The following PHF3 variants were observed in gnomAD, a reference collection of about 807,000 sequenced individuals.
The protein encoded by PHF3 is PHD finger protein 3.
A neutral mutation model predicts 178.4 loss-of-function variants in PHF3; 41 were observed. The ratio of observed to expected loss-of-function variants is 0.23; its 90% CI spans 0.18 to 0.30. The LOEUF (loss-of-function observed/expected upper bound fraction) is 0.30. Ranked by LOEUF, PHF3 falls within the 10% of genes least tolerant of loss-of-function variation. The probability of loss-of-function intolerance (pLI) is 1.00; values close to 1 mark genes in which losing one functional copy is unlikely to be tolerated. For missense variants in PHF3, 2,346 were observed against 2,398.1 expected (o/e 0.98, Z 0.45); for synonymous variants, 842 against 800.5 (o/e 1.05, Z -0.88).
intron 11 of PHF3, among the ~76,000 whole-genome samples, chr6:63,705,540 T>C (rs1767654047): frequency 6.6e-6 from 1 of 152,198 alleles, no homozygotes; most frequent in Non-Finnish European, 1.5e-5. Context: ...TAACTATTAA[T>C]GCTTGATGAT....
At chr6:63,660,722 CTT>C (rs777685309) in intron 2 of PHF3, among the ~76,000 whole-genome samples, 1 of 152,186 alleles carries the variant, frequency 6.6e-6, no homozygotes, top group African/African-American at 2.4e-5. Flanking sequence ...CCTGACCACT[CTT>C]TTCCTGGACC....
At chr6:63,643,532 G>A (rs1764663755) in intron 1 of PHF3, among the ~76,000 whole-genome samples, 1 of 152,182 alleles carries the variant, frequency 6.6e-6, no homozygotes, top group South Asian at 2.1e-4. Context: ...ACTCACAAAT[G>A]TGATACGCTT....
Position 63,685,202 on chromosome 6 carries a change from G to A in PHF3, c.1480G>A (p.Val494Ile), listed in dbSNP as rs1766631766. Residue 494 changes from valine to isoleucine, a missense_variant, in exon 4 of 16, where the codon GTA (valine) becomes ATA (isoleucine). Coordinates refer to ENST00000262043, the MANE Select transcript of PHF3 (RefSeq NM_001370348.2). The stretch of plus-strand genomic sequence containing the variant: ...TGTAAAATCCAAACATACAAAACCT[G>A]TAATTCATTCTAAGCAAAACATGAC... Reference protein sequence around the residue: ...KSVKSKHTKPVIHSKQNMTTD... With the variant: ...KSVKSKHTKPIIHSKQNMTTD... 4 of 1,613,890 alleles carry A rather than the reference G, an allele frequency of 2.5e-6. No individual in the cohort carries two copies. In the South Asian group the frequency reaches 4.4e-5, roughly 18 times the overall value.
At chr6:63,671,315 T>TA (rs1300380370) in intron 2 of PHF3, among the ~76,000 whole-genome samples, 1 of 152,226 alleles carries the variant, frequency 6.6e-6, no homozygotes, top group East Asian at 1.9e-4. Context: ...GATAGAGTGG[T>TA]GTTTGAGACA....
At chr6:63,680,343 C>A (rs2149578246) in intron 3 of PHF3, among the ~76,000 whole-genome samples, 182 bp downstream of exon 3, 1 of 151,386 alleles carries the variant, frequency 6.6e-6, no homozygotes, top group South Asian at 2.1e-4. Flanking sequence ...CACCACCCCA[C>A]ACTACCCATT....
chr6:63,644,551 A>G (rs1199379761), intron 1 of PHF3, among the ~76,000 whole-genome samples: 1 of 152,170 alleles, frequency 6.6e-6, no homozygotes, highest in East Asian at 1.9e-4. Context: ...CTGTCAGTTG[A>G]GAGAATGCAT....
At position 63,717,636 on chromosome 6, in the gene PHF3, A is replaced by T. The variant is rs369596284; in HGVS notation, c.*3928A>T. Among the ~76,000 whole-genome samples, 2 of 152,048 alleles carry T rather than the reference A, an allele frequency of 1.3e-5. No individual in the cohort carries two copies. The highest frequency in any genetic ancestry group is 4.8e-5 in the African/African-American group (2 of 41,432). On this transcript the variant is annotated 3_prime_UTR_variant, in exon 16 of 16. Coordinates refer to ENST00000262043, the MANE Select transcript of PHF3 (RefSeq NM_001370348.2). ...AGTTTCATCTTATAGATAGATGCAG[A>T]GCAGAGTCATTGAGGGAAATAGCCT...
chr6:63,681,242 C>T (rs1217631530), intron 3 of PHF3, among the ~76,000 whole-genome samples: 1 of 151,876 alleles, frequency 6.6e-6, no homozygotes, highest in African/African-American at 2.4e-5. Context: ...TGGAATCTTG[C>T]TCTTCAGCTT....
At chr6:63,681,202 G>GT (rs756150577) in intron 3 of PHF3, among the ~76,000 whole-genome samples, 8 of 151,936 alleles carry the variant, frequency 5.3e-5, no homozygotes, top group Non-Finnish European at 1.0e-4. Flanking sequence ...GTGTAGGAGT[G>GT]TATGTTATCT....
rs1340251783 is a variant in PHF3 at position 63,702,547 on chromosome 6, C to T, written c.3139C>T (p.Arg1047Ter). ...MIEKEQREVE[R>*]RPITKITHKG... ...TGAGAAAGAGCAGAGAGAAGTGGAA[C>T]GACGGCCAATCACCAAAATAACTCA... Residue 1047 changes from arginine (R) to a stop codon, truncating the protein, a stop_gained, in exon 10 of 16, where the codon CGA becomes TGA. Transcript: ENST00000262043. LOFTEE classifies it high-confidence loss of function. 1 of 1,611,896 alleles carries T rather than the reference C, an allele frequency of 6.2e-7. No homozygotes were observed. Among genetic ancestry groups the T allele is most frequent in the Non-Finnish European group, 8.5e-7 (1 of 1,178,490 alleles).
chr6:63,670,737 A>G (rs1024363605), intron 2 of PHF3, among the ~76,000 whole-genome samples: 1 of 152,228 alleles, frequency 6.6e-6, no homozygotes, highest in Non-Finnish European at 1.5e-5. Context: ...TTAAGACTGA[A>G]TATTTTATGT....
intron 10 of PHF3, among the ~76,000 whole-genome samples, chr6:63,702,868 C>A (rs1304220533): frequency 6.7e-6 from 1 of 149,768 alleles, no homozygotes; most frequent in Admixed American, 6.6e-5. Flanking sequence ...AGTGCTCTGA[C>A]TTAGTGAATT....
At chr6:63,639,073 A>G (rs761839230) in intron 1 of PHF3, among the ~76,000 whole-genome samples, 5 of 152,162 alleles carry the variant, frequency 3.3e-5, no homozygotes, top group Non-Finnish European at 7.4e-5. Context: ...GAATTGCTAT[A>G]TGTGTGGACT....
chr6:63,667,184 A>T lies in PHF3; in HGVS notation c.245-12816A>T, dbSNP rs1032668851. Among the ~76,000 whole-genome samples the T allele has an allele frequency of 2.0e-5, 3 of 152,300 alleles. No homozygotes were observed. The East Asian group carries it at 5.8e-4, about 29-fold the overall frequency. On this transcript the variant is annotated intron_variant, in intron 2 of 15. Transcript: ENST00000262043. ...GATATGCTGTTGGTTTTATTCACAT[A>T]TGAAGAACCCATGGATTTGGAGGGT...
intron 2 of PHF3, among the ~76,000 whole-genome samples, chr6:63,664,172 C>T (rs1417071174): frequency 6.6e-6 from 1 of 152,176 alleles, no homozygotes; most frequent in Non-Finnish European, 1.5e-5. Context: ...GTACCTTTTC[C>T]TAGTTCATTG....
intron 8 of PHF3, among the ~76,000 whole-genome samples, chr6:63,698,932 A>AT (rs915029142): frequency 6.6e-6 from 1 of 151,168 alleles, no homozygotes; most frequent in African/African-American, 2.4e-5. Flanking sequence ...TTATAACACT[A>AT]TTTTTTTCTT....
intron 4 of PHF3, among the ~76,000 whole-genome samples, chr6:63,689,722 C>T (rs955616267): frequency 8.5e-5 from 13 of 152,198 alleles, no homozygotes; most frequent in Admixed American, 1.3e-4. Flanking sequence ...ATAAATTTCA[C>T]GATCATCAAA....
rs760555425 is a variant in PHF3, at chr6:63,712,870, C to T, written c.5282C>T (p.Ala1761Val). The T allele has an allele frequency of 4.9e-5, 79 of 1,613,816 alleles. No individual in the cohort carries two copies. The highest frequency in any genetic ancestry group is 9.9e-5 in the South Asian group (9 of 91,082). The change falls in exon 16 of 16, where the codon GCG (alanine) becomes GTG (valine). Residue 1761 changes from alanine to valine, a missense_variant. Ala to Val is a moderately conservative substitution (Grantham distance 64). This residue lies in a region of PHF3 where 839 missense variants were observed against 806.9 expected (regional missense o/e 1.04). Transcript: ENST00000262043. ...CCATTTCGAAGAGGATCAGCAGTAG[C>T]GACATCTCATTTTGAAGTTGGAAAC... ...VHPFRRGSAV[A>V]TSHFEVGNTC...
Position 63,723,085 on chromosome 6 carries a change from AC to A in PHF3, c.*9378del. Reference sequence around the variant, plus strand: ...CTAAATAATTATTAAATAAAGAAATACGTTTGTAGGGTTGTGGGTTGAGATG... The same window carrying A: ...CTAAATAATTATTAAATAAAGAAATAGTTTGTAGGGTTGTGGGTTGAGATG... On this transcript the variant is annotated 3_prime_UTR_variant, in exon 16 of 16. Coordinates refer to ENST00000262043, the MANE Select transcript of PHF3 (RefSeq NM_001370348.2). Among the ~76,000 whole-genome samples, 1 of 152,244 alleles carries A rather than the reference AC, an allele frequency of 6.6e-6. No homozygotes were observed. The highest frequency in any genetic ancestry group is 2.4e-5 in the African/African-American group (1 of 41,518).
Sources: gnomAD v4.1 joint callset for allele counts (sites outside exome capture counted in the v4.1 genomes callset) on GRCh38, gnomAD v4.1.1 for gene constraint, gnomAD v4.1.1 regional missense constraint, MANE v1.5 for transcripts, NCBI Gene and HGNC (gene_info 2026-07-23, HGNC 2026-07-21) for gene names.